Variants in MYO1D observed in about 807,000 individuals in gnomAD.
The protein encoded by MYO1D is myosin ID.
In MYO1D, 83 loss-of-function variants were observed where a neutral mutation model predicts 122.0. The ratio of observed to expected loss-of-function variants is 0.68; its 90% CI spans 0.57 to 0.82. MYO1D has a LOEUF of 0.82. Among genes scored for constraint, MYO1D ranks in the 40% least tolerant of loss-of-function variants. The probability of loss-of-function intolerance (pLI) is 0.00; values close to 1 mark genes in which losing one functional copy is unlikely to be tolerated. For synonymous variants in MYO1D, 464 were observed against 446.9 expected (o/e 1.04, Z -0.48); for missense variants, 1,157 against 1,269.5 (o/e 0.91, Z 1.35).
intron 21 of MYO1D, among the ~76,000 whole-genome samples, chr17:32,507,486 C>T (rs539163744): frequency 1.4e-4 from 21 of 152,134 alleles, no homozygotes; most frequent in Non-Finnish European, 2.9e-4. Flanking sequence ...ACACATTCTT[C>T]TAAAGTACAC....
chr17:32,649,563 CTTTCTTT>C (rs1318062883), intron 19 of MYO1D, among the ~76,000 whole-genome samples: 2 of 127,156 alleles, frequency 1.6e-5, no homozygotes, highest in African/African-American at 5.8e-5. Context: ...CATTTTCTTT[CTTTCTTT>C]TTTTTTTTTT....
chr17:32,708,387 A>G (rs1188671530), intron 16 of MYO1D, among the ~76,000 whole-genome samples: 2 of 152,138 alleles, frequency 1.3e-5, no homozygotes, highest in Non-Finnish European at 2.9e-5. Context: ...TATTTTTTGT[A>G]TGCTTTAAAT....
Position 32,635,546 on chromosome 17 carries a change from A to G in MYO1D, c.2709+3176T>C, listed in dbSNP as rs373224012. 1.1e-4 allele frequency among the ~76,000 whole-genome samples: 16 copies of G among 152,258 alleles called. 2 individuals are homozygous for G. The highest frequency in any genetic ancestry group is 7.7e-4 in the East Asian group (4 of 5,174). ...CTCTACTAAAAATACAAAAAAAATTAGCTGGGCACGGTGGCAGGTGCCTGT... is the reference window on the plus strand; with the variant it reads ...CTCTACTAAAAATACAAAAAAAATTGGCTGGGCACGGTGGCAGGTGCCTGT... On this transcript the variant is annotated intron_variant, in intron 20 of 21. Transcript: ENST00000318217.
In MYO1D at chr17:32,585,662, G is replaced by A. The variant is rs533461299; in HGVS notation, c.2864+19425C>T. Among the ~76,000 whole-genome samples the A allele has an allele frequency of 1.9e-4, 29 of 151,524 alleles. No individual in the cohort carries two copies. The South Asian group carries it at 5.2e-3, about 27-fold the overall frequency. On this transcript the variant is annotated intron_variant, in intron 21 of 21. Coordinates refer to ENST00000318217, the MANE Select transcript of MYO1D (RefSeq NM_015194.3). ...AGGGAATCTTTTGAACGTGGGAGGCGGAGGTTGCAGTGAGCTGAGATCGCG... is the reference window on the plus strand; with the variant it reads ...AGGGAATCTTTTGAACGTGGGAGGCAGAGGTTGCAGTGAGCTGAGATCGCG...
At chr17:32,524,127 AGTT>A (rs750582893) in intron 21 of MYO1D, among the ~76,000 whole-genome samples, 2 of 152,222 alleles carry the variant, frequency 1.3e-5, no homozygotes, top group Non-Finnish European at 1.5e-5. Flanking sequence ...GGAATAAAAA[AGTT>A]GTTGGTGCTT....
rs1404887348 is a variant in MYO1D, at chr17:32,738,420, A to G, written c.1614-35T>C. 4 of 1,532,556 alleles carry G rather than the reference A, an allele frequency of 2.6e-6. No individual in the cohort carries two copies. In the African/African-American group the frequency reaches 4.1e-5, roughly 16 times the overall value. The allele number at this position is 1,532,556 out of a possible 1,614,324, so 94.9% of individuals were successfully genotyped here. On this transcript the variant is annotated intron_variant, in intron 13 of 21. Transcript: ENST00000318217. ...ACAGAAAAAACAATTCAAATGTCAC[A>G]TTCAAATAAGCTGGATAAAAACTGA...
intron 1 of MYO1D, 70 bp downstream of exon 1, chr17:32,876,708 C>T: frequency 1.5e-6 from 2 of 1,325,298 alleles, no homozygotes; most frequent in Non-Finnish European, 2.0e-6. Flanking sequence ...CGGATCCGGC[C>T]GCGCCCCGAG....
At chr17:32,813,419 G>A (rs927889708) in intron 1 of MYO1D, among the ~76,000 whole-genome samples, 3 of 152,184 alleles carry the variant, frequency 2.0e-5, no homozygotes, top group South Asian at 2.1e-4. Context: ...CTCAAGGACC[G>A]AGAAGGTGAT....
At chr17:32,575,832 G>A (rs1245016729) in intron 21 of MYO1D, among the ~76,000 whole-genome samples, 1 of 152,178 alleles carries the variant, frequency 6.6e-6, no homozygotes, top group Non-Finnish European at 1.5e-5. Flanking sequence ...ACCTGTAGTG[G>A]CAATCAACCT....
chr17:32,825,672 C>A (rs193232175), intron 1 of MYO1D, among the ~76,000 whole-genome samples: 1 of 152,252 alleles, frequency 6.6e-6, no homozygotes, highest in East Asian at 1.9e-4. Flanking sequence ...ATGGGCATGA[C>A]AGAAGTCGAA....
chr17:32,711,717 A>G (rs1227838728), intron 16 of MYO1D, among the ~76,000 whole-genome samples: 1 of 152,208 alleles, frequency 6.6e-6, no homozygotes, highest in Non-Finnish European at 1.5e-5. Context: ...AAGGACAGAA[A>G]GACTGGTTCA....
At chr17:32,763,112 G>A (rs200913358) in intron 8 of MYO1D, among the ~76,000 whole-genome samples, 9 of 50,520 alleles carry the variant, frequency 1.8e-4, no homozygotes, top group African/African-American at 4.3e-4. Flanking sequence ...CATGAACCCG[G>A]AAGGCAGAGC....
intron 21 of MYO1D, among the ~76,000 whole-genome samples, chr17:32,565,505 C>T (rs527450396): frequency 8.5e-4 from 129 of 152,240 alleles, no homozygotes; most frequent in Non-Finnish European, 1.3e-3. Flanking sequence ...CCTTAGCCCT[C>T]GATCATCTGC....
chr17:32,833,678 T>C (rs528829521), intron 1 of MYO1D, among the ~76,000 whole-genome samples: 1 of 152,284 alleles, frequency 6.6e-6, no homozygotes, highest in South Asian at 2.1e-4. Flanking sequence ...GATCTCCTTC[T>C]GCTCTCCTCT....
At chr17:32,700,835 T>C (rs2089238512) in intron 16 of MYO1D, among the ~76,000 whole-genome samples, 1 of 151,410 alleles carries the variant, frequency 6.6e-6, no homozygotes, top group South Asian at 2.1e-4. Flanking sequence ...TACCAGCTAC[T>C]TGGGAGGCTG....
intron 5 of MYO1D, among the ~76,000 whole-genome samples, chr17:32,771,715 G>T (rs2090114619): frequency 6.6e-6 from 1 of 152,176 alleles, no homozygotes; most frequent in African/African-American, 2.4e-5. Flanking sequence ...GACAGCTGGG[G>T]AACCATGATT....
At chr17:32,632,237 T>C (rs902872406) in intron 20 of MYO1D, among the ~76,000 whole-genome samples, 5 of 152,130 alleles carry the variant, frequency 3.3e-5, no homozygotes, top group Non-Finnish European at 7.4e-5. Flanking sequence ...AAATAACAAA[T>C]GACAAGACCT....
Position 32,603,638 on chromosome 17 carries a change from G to GC in MYO1D, c.2864+1448dup, listed in dbSNP as rs1428313005. On this transcript the variant is annotated intron_variant, in intron 21 of 21. Transcript: ENST00000318217. ...CCTCCCAGGTTCACGCCATTCTCCTGCCTCAGCCTCCTGAGTAGCTGGGAC... is the reference window on the plus strand; with the variant it reads ...CCTCCCAGGTTCACGCCATTCTCCTGCCCTCAGCCTCCTGAGTAGCTGGGAC... 2.0e-5 allele frequency among the ~76,000 whole-genome samples: 3 copies of GC among 148,550 alleles called. No individual in the cohort carries two copies. The Admixed American group carries it at 2.1e-4, about 10-fold the overall frequency.
intron 1 of MYO1D, among the ~76,000 whole-genome samples, chr17:32,855,819 A>C (rs2091023317): frequency 6.6e-6 from 1 of 152,358 alleles, no homozygotes; most frequent in South Asian, 2.1e-4. Flanking sequence ...AAACATACTC[A>C]TCTCTGGAAC....
Sources: gnomAD v4.1 joint callset for allele counts (sites outside exome capture counted in the v4.1 genomes callset) on GRCh38, gnomAD v4.1.1 for gene constraint, MANE v1.5 for transcripts, NCBI Gene and HGNC (gene_info 2026-07-23, HGNC 2026-07-21) for gene names.